PPARGC1A: variants seen among roughly 807,000 people sequenced by gnomAD.
PPARGC1A encodes the protein peroxisome proliferator-activated receptor gamma coactivator 1-alpha.
In PPARGC1A, 25 loss-of-function variants were observed where a neutral mutation model predicts 88.7. The observed-to-expected ratio is 0.28, with a 90% CI of 0.21 to 0.39. PPARGC1A has a LOEUF of 0.39. PPARGC1A is among the 10% of genes least tolerant of loss of function. PPARGC1A has a pLI of 1.00. For missense variants in PPARGC1A, 880 were observed against 968.7 expected (o/e 0.91, Z 1.22); for synonymous variants, 363 against 355.6 (o/e 1.02, Z -0.24).
the PPARGC1A span, among the ~76,000 whole-genome samples, chr4:23,948,007 A>G: frequency 6.6e-6 from 1 of 152,146 alleles, no homozygotes; most frequent in African/African-American, 2.4e-5. Context: ...TGTGCCACTC[A>G]GCTTAAGTTT....
At chr4:24,377,801 G>C in the PPARGC1A span, among the ~76,000 whole-genome samples, 2 of 152,062 alleles carry the variant, frequency 1.3e-5, no homozygotes, top group African/African-American at 4.8e-5. Context: ...TGACTAAAAG[G>C]GTCAAATGCT....
At chr4:23,851,816 CTG>C in intron 2 of PPARGC1A, among the ~76,000 whole-genome samples, 2 of 152,318 alleles carry the variant, frequency 1.3e-5, no homozygotes. Flanking sequence ...TTGCTGTATG[CTG>C]TGTCTTACAG....
At chr4:24,283,826 G>A in the PPARGC1A span, among the ~76,000 whole-genome samples, 2 of 152,330 alleles carry the variant, frequency 1.3e-5, no homozygotes, top group Admixed American at 6.5e-5. Context: ...ATGACACTCA[G>A]CTCTCAGACT....
chr4:23,891,823 C>T (rs1717897031), upstream of PPARGC1A, among the ~76,000 whole-genome samples: 1 of 152,144 alleles, frequency 6.6e-6, no homozygotes, highest in Non-Finnish European at 1.5e-5. Context: ...TGCTTTTATA[C>T]AAGCAATTAG....
chr4:23,901,883 G>GTT (rs1000654402), upstream of PPARGC1A, among the ~76,000 whole-genome samples: 1 of 151,216 alleles, frequency 6.6e-6, no homozygotes, highest in South Asian at 2.1e-4. Context: ...ATATTTAAGG[G>GTT]TTTTTTTTTC....
the PPARGC1A span, among the ~76,000 whole-genome samples, chr4:24,359,581 C>A: frequency 6.6e-6 from 1 of 152,098 alleles, no homozygotes; most frequent in African/African-American, 2.4e-5. Flanking sequence ...ATGAATGGGA[C>A]CTTATTTGGA....
At chr4:23,921,786 C>T in the PPARGC1A span, among the ~76,000 whole-genome samples, 2 of 152,120 alleles carry the variant, frequency 1.3e-5, no homozygotes, top group South Asian at 4.1e-4. Context: ...AATGAAGGCT[C>T]AATCCTAAAA....
chr4:24,364,585 G>GA, the PPARGC1A span, among the ~76,000 whole-genome samples: 4 of 151,860 alleles, frequency 2.6e-5, no homozygotes, highest in African/African-American at 7.2e-5. Context: ...AGAATAATAA[G>GA]AAAAAAAGAA....
the PPARGC1A span, among the ~76,000 whole-genome samples, chr4:24,132,325 A>G: frequency 6.6e-6 from 1 of 152,066 alleles, no homozygotes; most frequent in Non-Finnish European, 1.5e-5. Context: ...ATCAAAATCA[A>G]TTATCAACCC....
the PPARGC1A span, among the ~76,000 whole-genome samples, chr4:23,995,518 G>A: frequency 5.9e-5 from 9 of 152,232 alleles, 1 homozygote; most frequent in African/African-American, 9.6e-5. Flanking sequence ...TGCACATACA[G>A]GTCTTTGTGA....
intron 2 of PPARGC1A, among the ~76,000 whole-genome samples, chr4:23,862,773 A>G (rs1731452885): frequency 6.6e-6 from 1 of 152,236 alleles, no homozygotes; most frequent in South Asian, 2.1e-4. Flanking sequence ...TCAAAGCAAG[A>G]GAAAAATCTT....
intron 2 of PPARGC1A, among the ~76,000 whole-genome samples, chr4:23,870,724 C>A (rs754225803): frequency 1.3e-5 from 2 of 152,046 alleles, no homozygotes; most frequent in Non-Finnish European, 2.9e-5. Context: ...TTCTCAGAGA[C>A]ATTTTAAAAA....
chr4:24,042,067 T>C, the PPARGC1A span, among the ~76,000 whole-genome samples: 5 of 152,190 alleles, frequency 3.3e-5, no homozygotes, highest in Non-Finnish European at 5.9e-5. Context: ...GTCATGGTTT[T>C]ACCTCCTTGT....
At chr4:23,854,287 C>T (rs1414731747) in intron 2 of PPARGC1A, among the ~76,000 whole-genome samples, 1 of 152,076 alleles carries the variant, frequency 6.6e-6, no homozygotes, top group Non-Finnish European at 1.5e-5. Flanking sequence ...CTTATCAGGT[C>T]ACAGAATTTT....
At chr4:24,141,654 C>T in the PPARGC1A span, among the ~76,000 whole-genome samples, 4 of 152,136 alleles carry the variant, frequency 2.6e-5, no homozygotes, top group African/African-American at 9.7e-5. Flanking sequence ...AAATGACCAT[C>T]GAGGCATCGA....
the PPARGC1A span, among the ~76,000 whole-genome samples, chr4:23,978,572 A>G: frequency 6.6e-6 from 1 of 152,204 alleles, no homozygotes. Flanking sequence ...CACTATTTCT[A>G]TCAGGTTATA....
At chr4:24,456,601 T>C in the PPARGC1A span, among the ~76,000 whole-genome samples, 56 of 152,142 alleles carry the variant, frequency 3.7e-4, no homozygotes, top group Admixed American at 5.2e-4. Context: ...AATCCAAGAC[T>C]AGGATTTTTG....
rs755403750 is a variant in PPARGC1A at position 23,801,808 on chromosome 4, G to A, written c.2215C>T (p.Arg739Cys). The A allele has an allele frequency of 1.5e-5, 25 of 1,613,824 alleles. No homozygotes were observed. The highest frequency in any genetic ancestry group is 8.3e-5 in the Admixed American group (5 of 59,996). Residue 739 changes from arginine to cysteine, a missense_variant, in exon 12 of 13, where the codon CGC (arginine) becomes TGC (cysteine). Coordinates refer to ENST00000264867, the MANE Select transcript of PPARGC1A (RefSeq NM_013261.5). Reference sequence around the variant, plus strand: ...TCAAAGTCAGTTTCGTTTGACCTGCGCAAAGTGTATCCATTTTCAAGAGCA... The same window carrying A: ...TCAAAGTCAGTTTCGTTTGACCTGCACAAAGTGTATCCATTTTCAAGAGCA... The part of the protein sequence containing the change: ...FAALENGYTL[R>C]RSNETDFELY...
At chr4:23,948,800 G>A in the PPARGC1A span, among the ~76,000 whole-genome samples, 1 of 151,986 alleles carries the variant, frequency 6.6e-6, no homozygotes, top group African/African-American at 2.4e-5. Context: ...TTCATTTGAG[G>A]TGGCATGGAG....
Sources: allele counts gnomAD v4.1 joint callset (sites outside exome capture counted in the v4.1 genomes callset), GRCh38; gene constraint gnomAD v4.1.1; transcripts MANE v1.5; gene names NCBI Gene and HGNC (gene_info 2026-07-23, HGNC 2026-07-21).